Variants in ANTXR1 observed in about 807,000 individuals in gnomAD.
The protein encoded by ANTXR1 is anthrax toxin receptor 1.
A neutral mutation model predicts 78.1 loss-of-function variants in ANTXR1; 19 were observed. The observed-to-expected ratio is 0.24, with a 90% CI of 0.17 to 0.36. ANTXR1 has a LOEUF of 0.36. ANTXR1 is among the 10% of genes least tolerant of loss of function. The pLI, the probability that ANTXR1 is intolerant of heterozygous loss-of-function variation, is 1.00. For missense variants in ANTXR1, 518 were observed against 718.6 expected (o/e 0.72, Z 3.19); for synonymous variants, 273 against 260.5 (o/e 1.05, Z -0.46).
chr2:69,112,530 C>G (rs1182569514), intron 10 of ANTXR1, among the ~76,000 whole-genome samples: 1 of 152,128 alleles, frequency 6.6e-6, no homozygotes, highest in Non-Finnish European at 1.5e-5. Flanking sequence ...AATCGCAGAT[C>G]AGAGAGATGT....
chr2:69,153,114 A>G (rs1673439837), intron 13 of ANTXR1, among the ~76,000 whole-genome samples: 1 of 152,174 alleles, frequency 6.6e-6, no homozygotes, highest in Non-Finnish European at 1.5e-5. Flanking sequence ...CATGAATGTG[A>G]AGTGGCCACT....
chr2:69,058,760 C>G (rs957721297), intron 3 of ANTXR1, among the ~76,000 whole-genome samples: 1 of 152,154 alleles, frequency 6.6e-6, no homozygotes, highest in Non-Finnish European at 1.5e-5. Context: ...TCTGATGGAT[C>G]TTGGCAAAGT....
intron 12 of ANTXR1, among the ~76,000 whole-genome samples, chr2:69,148,870 G>A (rs1217615927): frequency 1.3e-5 from 2 of 152,176 alleles, no homozygotes; most frequent in African/African-American, 4.8e-5. Flanking sequence ...CCATCAGCCA[G>A]CAGAACACAA....
At chr2:69,145,458 T>G (rs1262466186) in intron 12 of ANTXR1, 43 of 1,537,136 alleles carry the variant, frequency 2.8e-5, no homozygotes, top group Middle Eastern at 3.4e-4. Flanking sequence ...GTTTACACTT[T>G]CCTTATTTAC....
At chr2:69,033,770 G>T (rs540204013) in intron 1 of ANTXR1, among the ~76,000 whole-genome samples, 77 of 152,222 alleles carry the variant, frequency 5.1e-4, no homozygotes, top group Non-Finnish European at 9.6e-4. Context: ...ACTCCTTGGT[G>T]ATGGTTCCAA....
intron 13 of ANTXR1, among the ~76,000 whole-genome samples, chr2:69,166,593 C>T (rs1251213880): frequency 6.6e-6 from 1 of 152,166 alleles, no homozygotes; most frequent in South Asian, 2.1e-4. Flanking sequence ...GAAAAATGTT[C>T]TCAGATTTAC....
intron 12 of ANTXR1, among the ~76,000 whole-genome samples, chr2:69,137,942 G>A (rs185228378): frequency 7.2e-5 from 11 of 152,050 alleles, no homozygotes; most frequent in Admixed American, 2.0e-4. Context: ...AAATTAGCCA[G>A]GTGTGGTAGC....
chr2:69,210,109 GA>G lies in ANTXR1; in HGVS notation c.1434+16695del, dbSNP rs533619069. 2.0e-5 allele frequency among the ~76,000 whole-genome samples: 3 copies of G among 152,274 alleles called. No homozygotes were observed. The South Asian group carries it at 6.2e-4, about 32-fold the overall frequency. On this transcript the variant is annotated intron_variant, in intron 17 of 17. Transcript: ENST00000303714. The stretch of plus-strand genomic sequence containing the variant: ...AGTGGATGGAGTCTGAAGTTTTTTG[GA>G]GATAAAGCCAATGAGACTGGCTGAT...
chr2:69,092,745 G>C (rs1456335259), intron 9 of ANTXR1, among the ~76,000 whole-genome samples: 1 of 152,192 alleles, frequency 6.6e-6, no homozygotes, highest in Non-Finnish European at 1.5e-5. Flanking sequence ...TTCATAAGGG[G>C]CCTGTGCAGT....
At chr2:69,238,997 G>A (rs764672059) in intron 17 of ANTXR1, among the ~76,000 whole-genome samples, 36 of 152,110 alleles carry the variant, frequency 2.4e-4, no homozygotes, top group Admixed American at 6.5e-5. Flanking sequence ...GCACACAATC[G>A]GCCCACACCT....
intron 16 of ANTXR1, among the ~76,000 whole-genome samples, chr2:69,192,426 T>G (rs540710037): frequency 6.6e-6 from 1 of 152,244 alleles, no homozygotes; most frequent in East Asian, 1.9e-4. Flanking sequence ...TGAGTCCGTC[T>G]CACACCTAAT....
At chr2:69,093,319 AG>A (rs1671297182) in intron 9 of ANTXR1, among the ~76,000 whole-genome samples, 1 of 152,278 alleles carries the variant, frequency 6.6e-6, no homozygotes, top group African/African-American at 2.4e-5. Flanking sequence ...ACTAAAATGA[AG>A]CAAAATCTAA....
chr2:69,022,525 C>T (rs931732884), intron 1 of ANTXR1, among the ~76,000 whole-genome samples: 3 of 152,170 alleles, frequency 2.0e-5, no homozygotes, highest in African/African-American at 7.2e-5. Flanking sequence ...GGGCATTTGT[C>T]TGAAGGAAGA....
chr2:69,219,313 A>C (rs965043541), intron 17 of ANTXR1, among the ~76,000 whole-genome samples: 1 of 151,508 alleles, frequency 6.6e-6, no homozygotes, highest in South Asian at 2.1e-4. Context: ...ATTCCCCAAA[A>C]GGAGAAAGGT....
At chr2:69,195,032 G>C (rs1175808861) in intron 17 of ANTXR1, among the ~76,000 whole-genome samples, 2 of 151,776 alleles carry the variant, frequency 1.3e-5, no homozygotes, top group Non-Finnish European at 1.5e-5. Flanking sequence ...GCTGGGTGTG[G>C]TGGTGGGCAC....
rs555045690 is a variant in ANTXR1 at position 69,134,428 on chromosome 2, G to C, written c.951+9785G>C. Among the ~76,000 whole-genome samples, 63 of 152,262 alleles carry C rather than the reference G, an allele frequency of 4.1e-4. No homozygotes were observed. In the South Asian group the frequency reaches 0.013, roughly 31 times the overall value. On this transcript the variant is annotated intron_variant, in intron 12 of 17. Transcript: ENST00000303714. ...AGTTTCTGGCTTCGTTTTTAAAAAGGCCTTTTTAATTAGCTGCATTGGGTG... is the reference window on the plus strand; with the variant it reads ...AGTTTCTGGCTTCGTTTTTAAAAAGCCCTTTTTAATTAGCTGCATTGGGTG...
rs77045882 is a variant in ANTXR1 at position 69,164,706 on chromosome 2, T to C, written c.1048-5542T>C. On this transcript the variant is annotated intron_variant, in intron 13 of 17. Transcript: ENST00000303714. ...AGAAATCCAGGCCGTGCCAGCCTTG[T>C]ATGCAGATGACCACAAATTCACATC... Among the ~76,000 whole-genome samples, 1,502 of 152,348 alleles carry C rather than the reference T, an allele frequency of 9.9e-3. 54 individuals carry two copies. The East Asian group carries it at 0.13, about 13-fold the overall frequency.
At chr2:69,076,461 C>G (rs1670734688) in intron 7 of ANTXR1, among the ~76,000 whole-genome samples, 1 of 152,162 alleles carries the variant, frequency 6.6e-6, no homozygotes, top group Non-Finnish European at 1.5e-5. Context: ...AATACATGTA[C>G]CTCAATGTAG....
In ANTXR1 at chr2:69,245,753, C is replaced by A; in HGVS notation, c.*268C>A. ...GAAGGTTCCAGAGACAGTGAAACTG[C>A]AAGATGCTCTCAACAGGATTATGTC... On this transcript the variant is annotated 3_prime_UTR_variant, in exon 18 of 18. Transcript: ENST00000303714. 4.4e-6 allele frequency: 2 copies of A among 450,874 alleles called. No homozygotes were observed. The highest frequency in any genetic ancestry group is 3.9e-6 in the Non-Finnish European group (1 of 254,004). The allele number at this position is 450,874 out of a possible 1,614,324, so 27.9% of individuals were successfully genotyped here.
Sources: allele counts gnomAD v4.1 joint callset (sites outside exome capture counted in the v4.1 genomes callset), GRCh38; gene constraint gnomAD v4.1.1; transcripts MANE v1.5; gene names NCBI Gene and HGNC (gene_info 2026-07-23, HGNC 2026-07-21).